ANK2: variants seen among roughly 807,000 people sequenced by gnomAD.
ANK2 encodes ankyrin-2.
Under a neutral mutation model 360.5 loss-of-function variants are expected in ANK2, and 83 were observed. That is an observed-to-expected ratio of 0.23 (90% CI 0.19 to 0.28). The LOEUF is 0.28. ANK2 is among the 10% of genes least tolerant of loss of function. ANK2 has a pLI of 1.00. For missense variants in ANK2, 4,201 were observed against 4,795.7 expected (o/e 0.88, Z 3.66); for synonymous variants, 1,740 against 1,759.5 (o/e 0.99, Z 0.28).
In ANK2 at chr4:113,311,408, T is replaced by A; in HGVS notation, c.2693+9T>A. 1 of 1,614,070 alleles carries A rather than the reference T, an allele frequency of 6.2e-7. No individual in the cohort carries two copies. Reference sequence around the variant, plus strand: ...GGAGGACGATCTGACAGGTATCTCATAAAACTTATAATTGATGTCAGCCAG... The same window carrying A: ...GGAGGACGATCTGACAGGTATCTCAAAAAACTTATAATTGATGTCAGCCAG... On this transcript the variant is annotated intron_variant, in intron 24 of 45. Coordinates refer to ENST00000357077, the MANE Select transcript of ANK2 (RefSeq NM_001148.6).
chr4:113,130,489 A>G (rs2095947402), intron 1 of ANK2, among the ~76,000 whole-genome samples: 1 of 152,220 alleles, frequency 6.6e-6, no homozygotes, highest in African/African-American at 2.4e-5. Flanking sequence ...ACTGTGATCA[A>G]AGACCATGAT....
intron 1 of ANK2, among the ~76,000 whole-genome samples, chr4:113,096,376 G>A (rs1383419646): frequency 6.6e-6 from 1 of 152,108 alleles, no homozygotes; most frequent in Admixed American, 6.6e-5. Flanking sequence ...AAATCCAGAC[G>A]TTGGTAACCT....
In ANK2 at chr4:113,353,849, C is replaced by T. The variant is rs147706514; in HGVS notation, c.5231C>T (p.Ala1744Val). 28 of 1,613,782 alleles carry T rather than the reference C, an allele frequency of 1.7e-5. No homozygotes were observed. Among genetic ancestry groups the T allele is most frequent in the East Asian group, 1.6e-4 (7 of 44,896 alleles). Reference sequence around the variant, plus strand: ...TCATTAGGTGAAGACCCAGGTTTAGCCCCTGAACCCCTTCCCACTGTCAAG... The same window carrying T: ...TCATTAGGTGAAGACCCAGGTTTAGTCCCTGAACCCCTTCCCACTGTCAAG... The part of the protein sequence containing the change: ...EESLGEDPGL[A>V]PEPLPTVKAT... The change falls in exon 38 of 46, where the codon GCC becomes GTC. Residue 1744 changes from alanine (A) to valine (V), a missense_variant. Physicochemically the swap from Ala to Val is moderately conservative, Grantham distance 64. Around this residue, in one of 4 missense-constraint regions of ANK2, gnomAD observed 2,642 missense variants for 2,714.5 expected, o/e 0.97. Transcript: ENST00000357077.
intron 1 of ANK2, among the ~76,000 whole-genome samples, chr4:113,125,439 G>A (rs2095607393): frequency 6.6e-6 from 1 of 152,022 alleles, no homozygotes; most frequent in African/African-American, 2.4e-5. Context: ...TAAAAAACAG[G>A]CAACATACCA....
intron 2 of ANK2, among the ~76,000 whole-genome samples, chr4:112,945,225 C>T (rs12506747): frequency 0.17 from 26,440 of 152,128 alleles, 2,444 homozygotes; most frequent in African/African-American, 0.22. Context: ...TGAAAGAGTT[C>T]TCCCTAGAAG....
chr4:113,307,412 CTTTTTTTTT>C (rs56756321), intron 23 of ANK2, among the ~76,000 whole-genome samples: 6 of 91,874 alleles, frequency 6.5e-5, no homozygotes, highest in African/African-American at 2.7e-4. Flanking sequence ...GCCATTCCAC[CTTTTTTTTT>C]TTTTTTTTTT....
intron 15 of ANK2, 22 bp from the exon 16 acceptor site, chr4:113,277,815 C>T (rs2153698140): frequency 1.3e-6 from 2 of 1,572,486 alleles, no homozygotes; most frequent in Non-Finnish European, 1.8e-6. Context: ...TACGATTTTA[C>T]TTTTGTTTCT....
chr4:113,346,341 A>G (rs1257986480), intron 35 of ANK2, among the ~76,000 whole-genome samples: 1 of 152,144 alleles, frequency 6.6e-6, no homozygotes, highest in Non-Finnish European at 1.5e-5. Context: ...TTTTGAAGAA[A>G]TTTTTAAAAC....
chr4:113,328,448 A>G (rs2091177801), intron 26 of ANK2, among the ~76,000 whole-genome samples: 2 of 152,220 alleles, frequency 1.3e-5, no homozygotes, highest in African/African-American at 4.8e-5. Flanking sequence ...TAGAAGTGTT[A>G]CCAGTATTTT....
At position 113,348,013 on chromosome 4, in the gene ANK2, G is replaced by A. The variant is rs79214596; in HGVS notation, c.4372-263G>A. Reference sequence around the variant, plus strand: ...TTTAAGGTCAAACTTTGAGACTGCCGTGGTGACCTAGTATCTGGAATTAGT... The same window carrying A: ...TTTAAGGTCAAACTTTGAGACTGCCATGGTGACCTAGTATCTGGAATTAGT... On this transcript the variant is annotated intron_variant, in intron 35 of 45. Coordinates refer to ENST00000357077, the MANE Select transcript of ANK2 (RefSeq NM_001148.6). 4.9e-3 allele frequency: 2,406 copies of A among 487,826 alleles called. 16 individuals are homozygous for A. Among genetic ancestry groups the A allele is most frequent in the Non-Finnish European group, 6.8e-3 (1,833 of 269,276 alleles). 30.2% of individuals were successfully genotyped at this position (487,826 alleles called of 1,614,324 possible). A position where few individuals can be genotyped will look rare whatever the true frequency, so the allele number is the denominator to read the frequency against.
At chr4:113,303,945 A>T (rs2076111649) in intron 23 of ANK2, among the ~76,000 whole-genome samples, 1 of 152,212 alleles carries the variant, frequency 6.6e-6, no homozygotes, top group Non-Finnish European at 1.5e-5. Context: ...TTACATTGAG[A>T]TGTCCTTATT....
At position 113,336,776 on chromosome 4, in the gene ANK2, T is replaced by C; in HGVS notation, c.3791T>C (p.Ile1264Thr). ...DAPTLRLLCSITGGTTPAQWE... is the reference protein window; with the variant it reads ...DAPTLRLLCSTTGGTTPAQWE... ...CCAACCTTAAGATTACTATGCAGCA[T>C]AACAGGTGAGTCACATATGACTGTG... The change falls in exon 31 of 46, where the codon ATA (isoleucine) becomes ACA (threonine). Residue 1264 changes from isoleucine to threonine, a missense_variant. Ile to Thr is a moderately conservative substitution (Grantham distance 89). Coordinates refer to ENST00000357077, the MANE Select transcript of ANK2 (RefSeq NM_001148.6). 1 of 1,614,074 alleles carries C rather than the reference T, an allele frequency of 6.2e-7. No homozygotes were observed. The highest frequency in any genetic ancestry group is 8.5e-7 in the Non-Finnish European group (1 of 1,179,922).
Position 113,174,473 on chromosome 4 carries a change from G to A in ANK2, c.142G>A (p.Val48Met). 1.2e-6 allele frequency: 2 copies of A among 1,613,278 alleles called. No homozygotes were observed. The highest frequency in any genetic ancestry group is 1.1e-5 in the South Asian group (1 of 90,936). Residue 48 changes from valine (V) to methionine (M), a missense_variant, in exon 2 of 46, where the codon GTG becomes ATG. By Grantham distance (21) the Val-to-Met change is conservative (BLOSUM62 1). Around this residue, in one of 4 missense-constraint regions of ANK2, gnomAD observed 169 missense variants for 191.1 expected, o/e 0.88. Coordinates refer to ENST00000357077, the MANE Select transcript of ANK2 (RefSeq NM_001148.6). ...AARAGNLDKV[V>M]EYLKGGIDIN... ...CAGAGCAGGCAACCTGGACAAAGTT[G>A]TGGAATATCTGAAGGGGGGCATAGA... is the stretch of plus-strand genomic sequence containing the variant.
At position 113,369,578 on chromosome 4, in the gene ANK2, A is replaced by T. The variant is rs2154066061; in HGVS notation, c.11383A>T (p.Ser3795Cys). 7 of 1,614,198 alleles carry T rather than the reference A, an allele frequency of 4.3e-6. No homozygotes were observed. Among genetic ancestry groups the T allele is most frequent in the Non-Finnish European group, 5.9e-6 (7 of 1,180,026 alleles). ...QKAMIVPSSP[S>C]KTPEEVSTPA... ...GGCTATGATAGTACCCAGCTCTCCCAGCAAGACACCTGAGGAAGTTAGCAC... is the reference window on the plus strand; with the variant it reads ...GGCTATGATAGTACCCAGCTCTCCCTGCAAGACACCTGAGGAAGTTAGCAC... Residue 3795 changes from serine (S) to cysteine (C), a missense_variant, in exon 43 of 46, where the codon AGC becomes TGC. Transcript: ENST00000357077.
intron 1 of ANK2, among the ~76,000 whole-genome samples, chr4:112,874,840 AT>A (rs2074500399): frequency 6.6e-6 from 1 of 152,068 alleles, no homozygotes; most frequent in South Asian, 2.1e-4. Context: ...TAGTAATTAT[AT>A]CGATTGCATC....
At chr4:113,270,007 T>C (rs1052371030) in intron 14 of ANK2, among the ~76,000 whole-genome samples, 3 of 152,188 alleles carry the variant, frequency 2.0e-5, no homozygotes, top group Non-Finnish European at 4.4e-5. Context: ...ATTATATTCT[T>C]ATCTATTTAA....
At chr4:113,171,647 T>C (rs1185079844) in intron 1 of ANK2, among the ~76,000 whole-genome samples, 2 of 152,206 alleles carry the variant, frequency 1.3e-5, no homozygotes, top group African/African-American at 2.4e-5. Context: ...TACATTTCCA[T>C]AGGACCCAGA....
upstream of ANK2, among the ~76,000 whole-genome samples, chr4:112,815,667 G>A (rs2055576697): frequency 1.3e-5 from 2 of 152,148 alleles, no homozygotes; most frequent in South Asian, 4.1e-4. Flanking sequence ...ATAGAGGGGA[G>A]GGGGGCTGAA....
intron 4 of ANK2, chr4:113,217,090 T>C (rs976499427): frequency 1.3e-5 from 2 of 152,174 alleles, no homozygotes; most frequent in Non-Finnish European, 2.9e-5. Flanking sequence ...TCGACACATA[T>C]GAGAATTCTT....
Sources: gnomAD v4.1 joint callset for allele counts (sites outside exome capture counted in the v4.1 genomes callset) on GRCh38, gnomAD v4.1.1 for gene constraint, gnomAD v4.1.1 regional missense constraint, MANE v1.5 for transcripts, NCBI Gene and HGNC (gene_info 2026-07-23, HGNC 2026-07-21) for gene names.